NPAS2: variants seen among roughly 807,000 people sequenced by gnomAD.
NPAS2 encodes neuronal PAS domain protein 2.
NPAS2 carries 23 observed loss-of-function variants against 107.5 expected under a neutral mutation model. The ratio of observed to expected loss-of-function variants is 0.21; its 90% CI spans 0.15 to 0.30. NPAS2 has a LOEUF of 0.30. Ranked by LOEUF, NPAS2 falls within the 10% of genes least tolerant of loss-of-function variation. NPAS2 has a pLI of 1.00. For synonymous variants in NPAS2, 403 were observed against 417.5 expected, an observed-to-expected ratio of 0.97 and a Z score of 0.42; for missense variants, 756 against 1,043.3, an observed-to-expected ratio of 0.72 and a Z score of 3.79.
At chr2:100,836,426 A>G (rs544896159) in intron 1 of NPAS2, among the ~76,000 whole-genome samples, 2 of 152,278 alleles carry the variant, frequency 1.3e-5, no homozygotes, top group East Asian at 3.9e-4. Flanking sequence ...TGGGCTGTAT[A>G]TCATTTCAGA....
intron 1 of NPAS2, among the ~76,000 whole-genome samples, chr2:100,824,194 A>G (rs1382314590): frequency 6.6e-6 from 1 of 152,190 alleles, no homozygotes; most frequent in Non-Finnish European, 1.5e-5. Flanking sequence ...TAGAGATTCA[A>G]TTTGGTTTAC....
chr2:100,873,775 A>C (rs988953165), intron 1 of NPAS2, among the ~76,000 whole-genome samples: 1 of 152,114 alleles, frequency 6.6e-6, no homozygotes, highest in Non-Finnish European at 1.5e-5. Flanking sequence ...CACAGGTGTA[A>C]TGGATGCACA....
chr2:100,820,616 G>T lies in NPAS2; in HGVS notation c.-23+202G>T, dbSNP rs1401301003. Among the ~76,000 whole-genome samples the T allele has an allele frequency of 2.6e-5, 4 of 152,104 alleles. No individual in the cohort carries two copies. Among genetic ancestry groups the T allele is most frequent in the African/African-American group, 9.6e-5 (4 of 41,464 alleles). On this transcript the variant is annotated intron_variant, in intron 1 of 20. Transcript: ENST00000335681. The surrounding 1 kb of genome is among the most constrained non-coding windows in gnomAD (Gnocchi z 5.6). ...TCCCCTCCACAGTCAGGCCGCTGGG[G>T]GCTTCGCGTCCTGCAGGAGGTAGCA...
intron 5 of NPAS2, among the ~76,000 whole-genome samples, chr2:100,946,131 G>A (rs150067298): frequency 2.0e-5 from 3 of 152,228 alleles, no homozygotes; most frequent in Non-Finnish European, 4.4e-5. Context: ...AATCGCACTT[G>A]GCATTTATTG....
At chr2:100,896,322 T>G (rs1681408674) in intron 1 of NPAS2, among the ~76,000 whole-genome samples, 1 of 152,154 alleles carries the variant, frequency 6.6e-6, no homozygotes, top group Non-Finnish European at 1.5e-5. Flanking sequence ...AACCCCCTAT[T>G]CTGAGCAGCA....
intron 1 of NPAS2, among the ~76,000 whole-genome samples, chr2:100,899,714 C>T (rs1056799308): frequency 2.0e-5 from 3 of 151,946 alleles, no homozygotes; most frequent in Non-Finnish European, 2.9e-5. Context: ...TGTCTTTCAC[C>T]CCACAGACAT....
At chr2:100,885,809 G>A (rs1233918876) in intron 1 of NPAS2, among the ~76,000 whole-genome samples, 2 of 152,058 alleles carry the variant, frequency 1.3e-5, no homozygotes, top group Non-Finnish European at 2.9e-5. Context: ...TGAGTAGCTG[G>A]GATTACAGGC....
In NPAS2 at chr2:100,894,863, TC is replaced by T. The variant is rs1379046027; in HGVS notation, c.-22-9869del. Among the ~76,000 whole-genome samples, 59 of 152,176 alleles carry T rather than the reference TC, an allele frequency of 3.9e-4. 1 individual carries two copies. Among genetic ancestry groups the T allele is most frequent in the South Asian group, 6.2e-4 (3 of 4,834 alleles). ...CCATTTCTAGCTGGTGAAGTACTGC[TC>T]TTATGGCCGCAGAGTCCTCTGGTGA... On this transcript the variant is annotated intron_variant, in intron 1 of 20. Coordinates refer to ENST00000335681, the MANE Select transcript of NPAS2 (RefSeq NM_002518.4).
chr2:100,849,843 G>C (rs1678033844), intron 1 of NPAS2, among the ~76,000 whole-genome samples: 1 of 151,938 alleles, frequency 6.6e-6, no homozygotes, highest in African/African-American at 2.4e-5. Context: ...TTTGATGTTG[G>C]CTAAAAGAGA....
At chr2:100,869,032 G>A (rs141124681) in intron 1 of NPAS2, among the ~76,000 whole-genome samples, 3,266 of 152,090 alleles carry the variant, frequency 0.021, 63 homozygotes, top group South Asian at 0.032. Context: ...AGGTTCAAGC[G>A]ATTCTCGTGC....
In NPAS2 at chr2:100,925,167, G is replaced by A. The variant is rs1683479088; in HGVS notation, c.54G>A (p.Glu18=). ...ACAGAGCTTCTCGAAACAAGTCTGA[G>A]AAGAAGCGTCGGGACCAGTTCAATG... ...RAKRASRNKS[E]KKRRDQFNVL... Residue 18 remains glutamate, a synonymous_variant, in exon 3 of 21, where the codon GAG becomes GAA. Coordinates refer to ENST00000335681, the MANE Select transcript of NPAS2 (RefSeq NM_002518.4). 1 of 1,612,980 alleles carries A rather than the reference G, an allele frequency of 6.2e-7. No homozygotes were observed. The highest frequency in any genetic ancestry group is 8.5e-7 in the Non-Finnish European group (1 of 1,179,206).
At chr2:100,840,199 C>T (rs898158027) in intron 1 of NPAS2, among the ~76,000 whole-genome samples, 6 of 152,124 alleles carry the variant, frequency 3.9e-5, no homozygotes, top group African/African-American at 7.2e-5. Context: ...CCACAGGGGT[C>T]GAATGTCTGT....
intron 1 of NPAS2, among the ~76,000 whole-genome samples, chr2:100,876,229 A>C (rs1195142748): frequency 6.6e-6 from 1 of 152,086 alleles, no homozygotes; most frequent in Non-Finnish European, 1.5e-5. Context: ...TTGCTTAGCA[A>C]CCTTTCTCCA....
chr2:100,873,170 T>G (rs1573513201), intron 1 of NPAS2, among the ~76,000 whole-genome samples: 1 of 147,004 alleles, frequency 6.8e-6, no homozygotes, highest in African/African-American at 2.5e-5. Context: ...AGAAATTGCT[T>G]GAACCCAGGA....
At chr2:100,907,337 A>G (rs1385410840) in intron 2 of NPAS2, among the ~76,000 whole-genome samples, 1 of 151,894 alleles carries the variant, frequency 6.6e-6, no homozygotes, top group Non-Finnish European at 1.5e-5. Context: ...CCCCCACCCA[A>G]AAACTTCTCT....
At chr2:100,885,304 T>C (rs1680631057) in intron 1 of NPAS2, among the ~76,000 whole-genome samples, 1 of 152,232 alleles carries the variant, frequency 6.6e-6, no homozygotes, top group Non-Finnish European at 1.5e-5. Context: ...TATGTACTGC[T>C]TCTCCAGAAA....
chr2:100,925,415 G>C (rs1427076084), intron 3 of NPAS2, 121 bp downstream of exon 3: 1 of 1,043,554 alleles, frequency 9.6e-7, no homozygotes, highest in Non-Finnish European at 1.4e-6. Flanking sequence ...CTTACCGGTC[G>C]AGGGCTTCCC....
At chr2:100,985,130 C>A (rs1677705224) in intron 16 of NPAS2, 1 of 152,282 alleles carries the variant, frequency 6.6e-6, no homozygotes, top group South Asian at 2.1e-4. Context: ...TCCATCTATC[C>A]ATCCTTCCTT....
At chr2:100,936,920 G>T (rs1237802829) in intron 4 of NPAS2, among the ~76,000 whole-genome samples, 12 of 150,352 alleles carry the variant, frequency 8.0e-5, no homozygotes, top group African/African-American at 2.7e-4. Context: ...AAGCAGAGGT[G>T]GCAGTGAGCC....
Sources: gnomAD v4.1 joint callset for allele counts (sites outside exome capture counted in the v4.1 genomes callset) on GRCh38, gnomAD v4.1.1 for gene constraint, Gnocchi (gnomAD v3.1) non-coding constraint, MANE v1.5 for transcripts, NCBI Gene and HGNC (gene_info 2026-07-23, HGNC 2026-07-21) for gene names.